The following SPMIP2 variants were observed in gnomAD, a reference collection of about 807,000 sequenced individuals.
SPMIP2 encodes sperm microtubule inner protein 2, also known as protein SPMIP2.
the SPMIP2 span, among the ~76,000 whole-genome samples, chr4:158,901,641 T>A: frequency 6.6e-5 from 10 of 152,204 alleles, no homozygotes; most frequent in East Asian, 5.8e-4. Flanking sequence ...AACGTAGATT[T>A]GGTCTTTTCA....
At chr4:159,008,670 T>C in the SPMIP2 span, among the ~76,000 whole-genome samples, 1 of 152,256 alleles carries the variant, frequency 6.6e-6, no homozygotes, top group Non-Finnish European at 1.5e-5. Context: ...ATTGTACATA[T>C]ATTTAATGAT....
the SPMIP2 span, among the ~76,000 whole-genome samples, chr4:158,982,908 C>G: frequency 1.3e-5 from 2 of 152,022 alleles, no homozygotes; most frequent in Admixed American, 1.3e-4. Flanking sequence ...AGTTAAAAAC[C>G]TTGAAAAAAA....
At chr4:159,081,855 A>G in the SPMIP2 span, among the ~76,000 whole-genome samples, 1 of 152,202 alleles carries the variant, frequency 6.6e-6, no homozygotes, top group South Asian at 2.1e-4. Context: ...GTTAACTCTT[A>G]TTTACTTATA....
At chr4:158,960,959 C>T in the SPMIP2 span, among the ~76,000 whole-genome samples, 1 of 151,042 alleles carries the variant, frequency 6.6e-6, no homozygotes, top group Admixed American at 6.6e-5. Context: ...ATACTGACTC[C>T]TCTTCTCTAG....
At chr4:158,919,345 G>A in the SPMIP2 span, among the ~76,000 whole-genome samples, 2 of 152,164 alleles carry the variant, frequency 1.3e-5, no homozygotes, top group African/African-American at 4.8e-5. Flanking sequence ...TAGTTTTTAT[G>A]TCTCCTTCAG....
chr4:158,894,182 T>C, the SPMIP2 span, among the ~76,000 whole-genome samples: 3 of 151,416 alleles, frequency 2.0e-5, no homozygotes, highest in Non-Finnish European at 2.9e-5. Context: ...TTTTTTTTTT[T>C]TTTTTTGAGA....
the SPMIP2 span, among the ~76,000 whole-genome samples, chr4:158,949,314 G>T: frequency 6.6e-6 from 1 of 152,184 alleles, no homozygotes; most frequent in Non-Finnish European, 1.5e-5. Context: ...TTTCAAAAGT[G>T]TCCTGTCTTG....
chr4:159,074,140 T>A, the SPMIP2 span, among the ~76,000 whole-genome samples: 1 of 152,228 alleles, frequency 6.6e-6, no homozygotes, highest in Non-Finnish European at 1.5e-5. Context: ...ACTGAATTAT[T>A]CAAAACAATT....
the SPMIP2 span, among the ~76,000 whole-genome samples, chr4:159,022,554 G>C: frequency 6.6e-6 from 1 of 152,088 alleles, no homozygotes; most frequent in African/African-American, 2.4e-5. Flanking sequence ...ACAGTCTCCT[G>C]GTGTGCTTCT....
the SPMIP2 span, among the ~76,000 whole-genome samples, chr4:159,050,615 C>G: frequency 4.6e-5 from 7 of 152,080 alleles, no homozygotes; most frequent in African/African-American, 1.7e-4. Context: ...CCAGCCTGGG[C>G]AACATGGCTA....
At chr4:159,046,562 T>C in the SPMIP2 span, among the ~76,000 whole-genome samples, 1 of 152,114 alleles carries the variant, frequency 6.6e-6, no homozygotes, top group South Asian at 2.1e-4. Flanking sequence ...TCTTGTTTTG[T>C]TTTTTGTTTG....
chr4:158,922,701 G>C, the SPMIP2 span, among the ~76,000 whole-genome samples: 1 of 152,096 alleles, frequency 6.6e-6, no homozygotes, highest in African/African-American at 2.4e-5. Context: ...AATAATTTCA[G>C]ACATTTTCAC....
the SPMIP2 span, among the ~76,000 whole-genome samples, chr4:159,051,603 A>T: frequency 6.6e-6 from 1 of 152,250 alleles, no homozygotes; most frequent in East Asian, 1.9e-4. Flanking sequence ...CTGTCATGAG[A>T]TGTAACATCT....
chr4:158,902,939 AC>A, the SPMIP2 span, among the ~76,000 whole-genome samples: 1 of 151,266 alleles, frequency 6.6e-6, no homozygotes, highest in East Asian at 2.0e-4. Flanking sequence ...CATGGGACCC[AC>A]TGAGCCAGAC....
the SPMIP2 span, among the ~76,000 whole-genome samples, chr4:158,950,767 G>A: frequency 3.9e-5 from 6 of 152,192 alleles, no homozygotes; most frequent in East Asian, 1.2e-3. Flanking sequence ...GTGGTGGCAG[G>A]TGTCTGTAAT....
the SPMIP2 span, among the ~76,000 whole-genome samples, chr4:158,997,983 G>A: frequency 6.6e-6 from 1 of 152,118 alleles, no homozygotes; most frequent in Admixed American, 6.6e-5. Context: ...TTGATCTAGA[G>A]CAGAGGTCAG....
At chr4:158,900,216 T>A in the SPMIP2 span, among the ~76,000 whole-genome samples, 1 of 152,108 alleles carries the variant, frequency 6.6e-6, no homozygotes, top group East Asian at 1.9e-4. Flanking sequence ...GAGACTGTTA[T>A]GATTTCCATT....
chr4:159,004,289 C>CTCTTTT, the SPMIP2 span, among the ~76,000 whole-genome samples: 2 of 78,926 alleles, frequency 2.5e-5, no homozygotes, highest in Non-Finnish European at 4.5e-5. Flanking sequence ...ACTCTGTGCT[C>CTCTTTT]TTTTTTTTTT....
chr4:159,073,239 G>A, the SPMIP2 span, among the ~76,000 whole-genome samples: 52,817 of 151,814 alleles, frequency 0.35, 9,363 homozygotes, highest in South Asian at 0.37. Flanking sequence ...CTGCAGCCTC[G>A]ACCTCCCAGG....
Sources: allele counts gnomAD v4.1 joint callset (sites outside exome capture counted in the v4.1 genomes callset), GRCh38; gene constraint gnomAD v4.1.1; transcripts MANE v1.5; gene names NCBI Gene and HGNC (gene_info 2026-07-23, HGNC 2026-07-21).